Variants in RBFOX1 observed in about 807,000 individuals in gnomAD.
RBFOX1 encodes the protein RNA binding fox-1 homolog 1.
In RBFOX1, 8 loss-of-function variants were observed where a neutral mutation model predicts 57.7. That is an observed-to-expected ratio of 0.14 (90% CI 0.08 to 0.25). RBFOX1 has a LOEUF of 0.25. Ranked by LOEUF, RBFOX1 falls within the 10% of genes least tolerant of loss-of-function variation. RBFOX1 has a pLI of 1.00. For missense variants in RBFOX1, 611 were observed against 548.5 expected, an observed-to-expected ratio of 1.11 and a Z score of -1.14; for synonymous variants, 326 against 222.4, an observed-to-expected ratio of 1.47 and a Z score of -4.15.
At chr16:5,931,906 C>G (rs962435267) in intron 4 of RBFOX1, among the ~76,000 whole-genome samples, 1 of 152,124 alleles carries the variant, frequency 6.6e-6, no homozygotes, top group African/African-American at 2.4e-5. Flanking sequence ...CTCCTGGGCT[C>G]GAGCATTCCA....
intron 1 of RBFOX1, among the ~76,000 whole-genome samples, chr16:6,192,541 T>A (rs985747340): frequency 6.6e-6 from 1 of 152,160 alleles, no homozygotes; most frequent in African/African-American, 2.4e-5. Flanking sequence ...ATCTCTTAAC[T>A]GACAGCTTTA....
chr16:6,729,072 G>T lies in RBFOX1; in HGVS notation c.-16+74422G>T, dbSNP rs771761880. On this transcript the variant is annotated intron_variant, in intron 3 of 15. Transcript: ENST00000550418. Reference sequence around the variant, plus strand: ...ATCCTGTTTCTCACATATTCCCAGTGGCCTCAGAAGTGAATAGCTTCTGTT... The same window carrying T: ...ATCCTGTTTCTCACATATTCCCAGTTGCCTCAGAAGTGAATAGCTTCTGTT... Among the ~76,000 whole-genome samples, 3 of 152,094 alleles carry T rather than the reference G, an allele frequency of 2.0e-5. 1 individual carries two copies. The East Asian group carries it at 5.8e-4, about 29-fold the overall frequency.
chr16:7,469,462 T>C (rs1253225971), intron 4 of RBFOX1, among the ~76,000 whole-genome samples: 1 of 152,194 alleles, frequency 6.6e-6, no homozygotes, highest in African/African-American at 2.4e-5. Context: ...GACCTTACAA[T>C]GGCACGCTTT....
chr16:6,962,781 C>G (rs1412504774), intron 3 of RBFOX1, among the ~76,000 whole-genome samples: 1 of 152,122 alleles, frequency 6.6e-6, no homozygotes, highest in South Asian at 2.1e-4. Flanking sequence ...GAAAAGATCA[C>G]TTGAGCCCAG....
chr16:7,380,293 C>G (rs1159059891), intron 4 of RBFOX1, among the ~76,000 whole-genome samples: 1 of 152,128 alleles, frequency 6.6e-6, no homozygotes, highest in Non-Finnish European at 1.5e-5. Flanking sequence ...TGTTTTTTCT[C>G]CTTCCCTTTC....
intron 3 of RBFOX1, among the ~76,000 whole-genome samples, chr16:6,758,922 G>C (rs1384208130): frequency 6.6e-6 from 1 of 152,112 alleles, no homozygotes; most frequent in African/African-American, 2.4e-5. Context: ...GAGTCGGGGG[G>C]GAAAGAGTTT....
At chr16:6,563,760 A>G (rs906979864) in intron 2 of RBFOX1, among the ~76,000 whole-genome samples, 1 of 152,004 alleles carries the variant, frequency 6.6e-6, no homozygotes, top group Non-Finnish European at 1.5e-5. Context: ...TGGGAGGTGG[A>G]GGTTGCAGTG....
At chr16:5,791,965 T>A (rs1182501230) in intron 3 of RBFOX1, among the ~76,000 whole-genome samples, 1 of 151,952 alleles carries the variant, frequency 6.6e-6, no homozygotes, top group African/African-American at 2.4e-5. Context: ...GGCTTGGAGG[T>A]CCTTTGTACA....
intron 4 of RBFOX1, among the ~76,000 whole-genome samples, chr16:7,261,789 G>A (rs1186664282): frequency 1.3e-5 from 2 of 152,168 alleles, no homozygotes. Flanking sequence ...CTGACACTAA[G>A]AATCCCCTGG....
intron 3 of RBFOX1, among the ~76,000 whole-genome samples, chr16:5,688,619 A>T (rs2050574974): frequency 6.6e-6 from 1 of 152,130 alleles, no homozygotes; most frequent in South Asian, 2.1e-4. Flanking sequence ...CCTGAACTGG[A>T]TGGTTGAGGG....
intron 4 of RBFOX1, among the ~76,000 whole-genome samples, chr16:7,415,720 C>A (rs1423041222): frequency 1.3e-5 from 2 of 152,178 alleles, no homozygotes; most frequent in African/African-American, 2.4e-5. Flanking sequence ...AAAGGGCTAC[C>A]ATTTCTTCTC....
At chr16:6,887,763 A>T (rs1029710991) in intron 3 of RBFOX1, among the ~76,000 whole-genome samples, 1 of 151,784 alleles carries the variant, frequency 6.6e-6, no homozygotes, top group Non-Finnish European at 1.5e-5. Context: ...CCCAGGTTCA[A>T]GTGATTCTCC....
chr16:6,321,953 C>T (rs1257515098), intron 2 of RBFOX1, among the ~76,000 whole-genome samples: 2 of 152,170 alleles, frequency 1.3e-5, no homozygotes, highest in Non-Finnish European at 2.9e-5. Flanking sequence ...TTCTTTCTGT[C>T]ACTTAAGGCT....
chr16:6,764,087 T>C (rs2076998014), intron 3 of RBFOX1, among the ~76,000 whole-genome samples: 1 of 152,200 alleles, frequency 6.6e-6, no homozygotes. Flanking sequence ...AACGTGATCT[T>C]AAAGGTATGT....
At chr16:5,740,316 C>T (rs1299961441) in intron 3 of RBFOX1, among the ~76,000 whole-genome samples, 1 of 152,184 alleles carries the variant, frequency 6.6e-6, no homozygotes, top group Non-Finnish European at 1.5e-5. Context: ...CCTGAGACTC[C>T]AAGGGGGCTC....
Position 6,433,681 on chromosome 16 carries a change from C to T in RBFOX1, c.-64+116624C>T, listed in dbSNP as rs547497879. 1.5e-3 allele frequency among the ~76,000 whole-genome samples: 221 copies of T among 152,096 alleles called. No individual in the cohort carries two copies. In the Middle Eastern group the frequency reaches 0.031, roughly 21 times the overall value. Reference sequence around the variant, plus strand: ...GGTGTTAGCAGGGCTCAGTTTCTTCCGGAGGCTCCAGGGAAGAATCTGTTT... The same window carrying T: ...GGTGTTAGCAGGGCTCAGTTTCTTCTGGAGGCTCCAGGGAAGAATCTGTTT... On this transcript the variant is annotated intron_variant, in intron 2 of 15. Transcript: ENST00000550418.
At chr16:5,965,780 T>G (rs988022051) in intron 4 of RBFOX1, among the ~76,000 whole-genome samples, 8 of 152,254 alleles carry the variant, frequency 5.3e-5, no homozygotes, top group African/African-American at 1.7e-4. Flanking sequence ...GTTCTGAGTG[T>G]GGTGGGTGTG....
chr16:7,496,981 T>G (rs1428557214), intron 4 of RBFOX1, among the ~76,000 whole-genome samples: 1 of 152,124 alleles, frequency 6.6e-6, no homozygotes, highest in African/African-American at 2.4e-5. Flanking sequence ...CTGTCTCCAC[T>G]TGGCTTTGTC....
At chr16:7,637,536 A>T (rs1425573764) in intron 11 of RBFOX1, among the ~76,000 whole-genome samples, 1 of 152,212 alleles carries the variant, frequency 6.6e-6, no homozygotes, top group Non-Finnish European at 1.5e-5. Context: ...TAGAACTTCC[A>T]TGGGTTTCTG....
Sources: gnomAD v4.1 joint callset for allele counts (sites outside exome capture counted in the v4.1 genomes callset) on GRCh38, gnomAD v4.1.1 for gene constraint, MANE v1.5 for transcripts, NCBI Gene and HGNC (gene_info 2026-07-23, HGNC 2026-07-21) for gene names.